The following TMEM117 variants were observed in gnomAD, a reference collection of about 807,000 sequenced individuals.
TMEM117 encodes the protein transmembrane protein 117.
Under a neutral mutation model 52.4 loss-of-function variants are expected in TMEM117, and 27 were observed. The ratio of observed to expected loss-of-function variants is 0.51; its 90% CI spans 0.38 to 0.71. The LOEUF (loss-of-function observed/expected upper bound fraction) is 0.71, where lower values mean the gene tolerates loss of function less well. TMEM117 is among the 30% of genes least tolerant of loss of function. TMEM117 has a pLI of 0.00. For synonymous variants in TMEM117, 215 were observed against 206.3 expected (o/e 1.04, Z -0.36); for missense variants, 556 against 630.5 (o/e 0.88, Z 1.26).
At chr12:43,979,677 A>G (rs532507997) in intron 3 of TMEM117, among the ~76,000 whole-genome samples, 41 of 152,328 alleles carry the variant, frequency 2.7e-4, no homozygotes, top group African/African-American at 9.9e-4. Context: ...TTGATAGCCC[A>G]TAAGTCATGC....
intron 3 of TMEM117, among the ~76,000 whole-genome samples, chr12:43,948,788 G>A (rs990903554): frequency 6.6e-6 from 1 of 152,136 alleles, no homozygotes. Flanking sequence ...AATGCAGCTT[G>A]GTATACTCCT....
intron 5 of TMEM117, among the ~76,000 whole-genome samples, chr12:44,231,914 G>A (rs1345746126): frequency 6.6e-6 from 1 of 151,612 alleles, no homozygotes; most frequent in East Asian, 1.9e-4. Flanking sequence ...AAACTTTGAT[G>A]CAAAATTGTC....
At chr12:44,351,272 G>A (rs376488812) in intron 6 of TMEM117, among the ~76,000 whole-genome samples, 4 of 151,830 alleles carry the variant, frequency 2.6e-5, no homozygotes, top group Admixed American at 1.3e-4. Flanking sequence ...TTGTCAGACC[G>A]GCATTTTGCA....
At chr12:43,802,793 G>C in the TMEM117 span, among the ~76,000 whole-genome samples, 1 of 152,098 alleles carries the variant, frequency 6.6e-6, no homozygotes, top group East Asian at 1.9e-4. Flanking sequence ...CAAAATGTCT[G>C]AGCTTAAGTT....
rs979451368 is a variant in TMEM117, at chr12:44,326,164, GTTTTGT to G, written c.768+26448_768+26453del. 5.9e-4 allele frequency among the ~76,000 whole-genome samples: 89 copies of G among 151,974 alleles called. 1 individual carries two copies. The highest frequency in any genetic ancestry group is 5.6e-3 in the South Asian group (27 of 4,816). On this transcript the variant is annotated intron_variant, in intron 6 of 7. Coordinates refer to ENST00000266534, the MANE Select transcript of TMEM117 (RefSeq NM_032256.3). ...GCCTGGGCAACAGAGTGAGACCCTGGTTTTGTTTTTGTTTTTGTTTTTGTTTTTTGT... is the reference window on the plus strand; with the variant it reads ...GCCTGGGCAACAGAGTGAGACCCTGGTTTTGTTTTTGTTTTTGTTTTTTGT...
intron 3 of TMEM117, among the ~76,000 whole-genome samples, chr12:43,962,252 C>G (rs1333122045): frequency 1.3e-5 from 2 of 152,156 alleles, no homozygotes; most frequent in East Asian, 3.9e-4. Flanking sequence ...AATTGGTTAA[C>G]TTTTCTCTAT....
chr12:44,097,834 A>G (rs1330233907), intron 3 of TMEM117, among the ~76,000 whole-genome samples: 1 of 151,776 alleles, frequency 6.6e-6, no homozygotes, highest in Admixed American at 6.6e-5. Flanking sequence ...CATTGTGCAC[A>G]TGTACCCTAA....
chr12:44,397,933 C>T, the TMEM117 span, among the ~76,000 whole-genome samples: 3 of 152,158 alleles, frequency 2.0e-5, no homozygotes, highest in African/African-American at 7.2e-5. Context: ...TCTTACGGCC[C>T]CTCTTTCTGC....
At position 43,944,208 on chromosome 12, in the gene TMEM117, A is replaced by T; in HGVS notation, c.278-2A>T. On this transcript the variant is annotated splice_acceptor_variant, in intron 2 of 7. Coordinates refer to ENST00000266534, the MANE Select transcript of TMEM117 (RefSeq NM_032256.3). LOFTEE classifies it high-confidence loss of function. ...TAATTTTTAATAATATTTGTATTTC[A>T]GGTCAGTTGCTCCGATTAAAAATGT... 6.2e-7 allele frequency: 1 copy of T among 1,606,806 alleles called. No homozygotes were observed.
At chr12:44,214,488 CAT>C (rs1181788720) in intron 5 of TMEM117, among the ~76,000 whole-genome samples, 1 of 151,968 alleles carries the variant, frequency 6.6e-6, no homozygotes, top group Non-Finnish European at 1.5e-5. Flanking sequence ...TTATTTTTAA[CAT>C]ATGTGATAAC....
chr12:44,130,812 A>G (rs1306786350), intron 3 of TMEM117, among the ~76,000 whole-genome samples: 2 of 151,910 alleles, frequency 1.3e-5, no homozygotes, highest in Non-Finnish European at 2.9e-5. Context: ...TAGTTTGCAT[A>G]TCATTTAAAA....
chr12:43,940,868 T>A (rs1403952460), intron 2 of TMEM117, among the ~76,000 whole-genome samples: 2 of 152,196 alleles, frequency 1.3e-5, no homozygotes, highest in Admixed American at 6.5e-5. Context: ...TTAAATATGC[T>A]TTTATATCAT....
At chr12:44,135,995 A>G (rs1219537167) in intron 3 of TMEM117, among the ~76,000 whole-genome samples, 1 of 152,200 alleles carries the variant, frequency 6.6e-6, no homozygotes, top group African/African-American at 2.4e-5. Flanking sequence ...GAATCATTAT[A>G]TAGGGTAAAT....
At chr12:44,067,555 C>T (rs1314542736) in intron 3 of TMEM117, among the ~76,000 whole-genome samples, 1 of 152,104 alleles carries the variant, frequency 6.6e-6, no homozygotes, top group African/African-American at 2.4e-5. Flanking sequence ...TTGTCATTGT[C>T]AATGACATTT....
At chr12:44,249,230 A>T (rs748800718) in intron 5 of TMEM117, among the ~76,000 whole-genome samples, 1 of 152,074 alleles carries the variant, frequency 6.6e-6, no homozygotes, top group Non-Finnish European at 1.5e-5. Flanking sequence ...ATTCAAATGT[A>T]TGTGGTATAC....
intron 3 of TMEM117, among the ~76,000 whole-genome samples, chr12:44,059,884 C>A (rs2137950877): frequency 6.6e-6 from 1 of 152,256 alleles, no homozygotes; most frequent in African/African-American, 2.4e-5. Context: ...AGTTAGGGAC[C>A]CAGCCTCTCA....
intron 5 of TMEM117, among the ~76,000 whole-genome samples, chr12:44,285,553 A>G (rs1352053588): frequency 6.6e-6 from 1 of 152,148 alleles, no homozygotes; most frequent in East Asian, 1.9e-4. Context: ...CTCCCTCGAC[A>G]TTTCCTGATC....
intron 2 of TMEM117, among the ~76,000 whole-genome samples, chr12:43,902,980 G>A (rs957682627): frequency 1.3e-5 from 2 of 151,888 alleles, no homozygotes; most frequent in African/African-American, 4.8e-5. Flanking sequence ...TTTTCTGGTT[G>A]ACCTTTTCTG....
chr12:44,058,487 A>C lies in TMEM117; in HGVS notation c.411-85038A>C, dbSNP rs148079560. Reference sequence around the variant, plus strand: ...GTATTTTTCTTCAATATCCATTTAAAAATGAACCAAATACTGCTTCTTGTT... The same window carrying C: ...GTATTTTTCTTCAATATCCATTTAACAATGAACCAAATACTGCTTCTTGTT... On this transcript the variant is annotated intron_variant, in intron 3 of 7. Coordinates refer to ENST00000266534, the MANE Select transcript of TMEM117 (RefSeq NM_032256.3). Among the ~76,000 whole-genome samples, 108 of 152,336 alleles carry C rather than the reference A, an allele frequency of 7.1e-4. 1 individual carries two copies. The highest frequency in any genetic ancestry group is 2.5e-3 in the African/African-American group (104 of 41,584).
Sources: gnomAD v4.1 joint callset for allele counts (sites outside exome capture counted in the v4.1 genomes callset) on GRCh38, gnomAD v4.1.1 for gene constraint, MANE v1.5 for transcripts, NCBI Gene and HGNC (gene_info 2026-07-23, HGNC 2026-07-21) for gene names.